Variants in ATRNL1 observed in about 807,000 individuals in gnomAD.
The protein encoded by ATRNL1 is attractin-like protein 1.
In ATRNL1, 95 loss-of-function variants were observed where a neutral mutation model predicts 182.7. The ratio of observed to expected loss-of-function variants is 0.52; its 90% CI spans 0.44 to 0.62. ATRNL1 has a LOEUF of 0.62. ATRNL1 is among the 20% of genes least tolerant of loss of function. The probability of loss-of-function intolerance (pLI) is 0.00; values close to 1 mark genes in which losing one functional copy is unlikely to be tolerated. For missense variants in ATRNL1, 1,471 were observed against 1,679.5 expected (o/e 0.88, Z 2.17); for synonymous variants, 576 against 568.3 (o/e 1.01, Z -0.19).
chr10:115,380,942 T>C (rs1554950901), intron 19 of ATRNL1, among the ~76,000 whole-genome samples: 1 of 152,222 alleles, frequency 6.6e-6, no homozygotes, highest in Non-Finnish European at 1.5e-5. Context: ...ATTTTATGTT[T>C]AATATTTTCA....
chr10:115,517,341 T>C (rs1342959645), intron 24 of ATRNL1, among the ~76,000 whole-genome samples: 1 of 151,958 alleles, frequency 6.6e-6, no homozygotes, highest in African/African-American at 2.4e-5. Context: ...TTGGTTTATA[T>C]GTTTTATTGT....
At chr10:115,544,601 T>C (rs868976678) in intron 25 of ATRNL1, among the ~76,000 whole-genome samples, 4 of 152,286 alleles carry the variant, frequency 2.6e-5, no homozygotes, top group Middle Eastern at 3.4e-3. Flanking sequence ...CACTCACTAT[T>C]GTGAAGTCAG....
At chr10:115,678,447 A>C (rs944954686) in intron 26 of ATRNL1, among the ~76,000 whole-genome samples, 1 of 152,160 alleles carries the variant, frequency 6.6e-6, no homozygotes, top group Non-Finnish European at 1.5e-5. Flanking sequence ...TGGAGTAGTT[A>C]AAATGAATTA....
intron 26 of ATRNL1, among the ~76,000 whole-genome samples, chr10:115,713,618 TACAC>T (rs61297314): frequency 0.37 from 56,332 of 151,658 alleles, 11,291 homozygotes; most frequent in Admixed American, 0.54. Context: ...TTTATATATA[TACAC>T]ACACACACAC....
At chr10:115,515,989 G>A (rs1174821010) in intron 24 of ATRNL1, among the ~76,000 whole-genome samples, 1 of 151,558 alleles carries the variant, frequency 6.6e-6, no homozygotes, top group Non-Finnish European at 1.5e-5. Context: ...TATCCTCTTA[G>A]AGATAATTTC....
At chr10:115,535,570 G>A (rs1369412023) in intron 25 of ATRNL1, among the ~76,000 whole-genome samples, 6 of 152,020 alleles carry the variant, frequency 3.9e-5, no homozygotes, top group South Asian at 2.1e-4. Context: ...CCTGTAGCTC[G>A]GAGCAGTTTG....
intron 5 of ATRNL1, among the ~76,000 whole-genome samples, chr10:115,137,523 G>A (rs1204158689): frequency 6.6e-6 from 1 of 152,194 alleles, no homozygotes; most frequent in African/African-American, 2.4e-5. Flanking sequence ...CATGGCTGGG[G>A]GGGCCTCACA....
At chr10:115,605,818 A>G (rs547301967) in intron 26 of ATRNL1, among the ~76,000 whole-genome samples, 2 of 151,582 alleles carry the variant, frequency 1.3e-5, no homozygotes, top group South Asian at 4.2e-4. Context: ...CAGTCTACAA[A>G]TAATAATAAT....
At chr10:115,642,381 TGTCA>T (rs1555030751) in intron 26 of ATRNL1, among the ~76,000 whole-genome samples, 1 of 152,098 alleles carries the variant, frequency 6.6e-6, no homozygotes, top group African/African-American at 2.4e-5. Flanking sequence ...GAATTAATGT[TGTCA>T]GTCTTCCTCA....
chr10:115,783,121 G>A (rs1045370785), intron 27 of ATRNL1, among the ~76,000 whole-genome samples: 1 of 152,054 alleles, frequency 6.6e-6, no homozygotes, highest in African/African-American at 2.4e-5. Flanking sequence ...GACATCTAAA[G>A]TCTAATGGCA....
At chr10:115,588,658 C>T (rs1270166400) in intron 26 of ATRNL1, among the ~76,000 whole-genome samples, 1 of 152,150 alleles carries the variant, frequency 6.6e-6, no homozygotes, top group African/African-American at 2.4e-5. Flanking sequence ...GGTGCTGTCC[C>T]CAGGTAGGGT....
chr10:115,135,853 T>G (rs541219990), intron 5 of ATRNL1, among the ~76,000 whole-genome samples: 1 of 151,906 alleles, frequency 6.6e-6, no homozygotes, highest in African/African-American at 2.4e-5. Context: ...TGTCATTTTT[T>G]TTTCTTTGGT....
At chr10:115,355,983 T>C (rs1038481040) in intron 19 of ATRNL1, among the ~76,000 whole-genome samples, 2 of 152,072 alleles carry the variant, frequency 1.3e-5, no homozygotes, top group Non-Finnish European at 2.9e-5. Flanking sequence ...TACCTTATGT[T>C]TCTCTTTTTG....
Position 115,647,732 on chromosome 10 carries a change from T to G in ATRNL1, c.3796-79516T>G, listed in dbSNP as rs145632128. ...GTCAGATGAGTAGATTGTAAAAATTTTCTCCCGTTCTGTAGGTTGCCTGTT... is the reference window on the plus strand; with the variant it reads ...GTCAGATGAGTAGATTGTAAAAATTGTCTCCCGTTCTGTAGGTTGCCTGTT... On this transcript the variant is annotated intron_variant, in intron 26 of 28. Coordinates refer to ENST00000355044, the MANE Select transcript of ATRNL1 (RefSeq NM_207303.4). Among the ~76,000 whole-genome samples, 155 of 152,338 alleles carry G rather than the reference T, an allele frequency of 1.0e-3. 1 individual carries two copies. The highest frequency in any genetic ancestry group is 3.4e-3 in the Middle Eastern group (1 of 294).
intron 5 of ATRNL1, among the ~76,000 whole-genome samples, chr10:115,143,475 T>C (rs1012909874): frequency 1.3e-5 from 2 of 152,116 alleles, no homozygotes; most frequent in Non-Finnish European, 2.9e-5. Flanking sequence ...TCAATTTTCT[T>C]CAAAGCATAA....
intron 28 of ATRNL1, among the ~76,000 whole-genome samples, chr10:115,889,795 T>C (rs1283965850): frequency 6.6e-6 from 1 of 152,198 alleles, no homozygotes; most frequent in Non-Finnish European, 1.5e-5. Context: ...ATAAGTAATG[T>C]GATTAATCTA....
intron 26 of ATRNL1, among the ~76,000 whole-genome samples, chr10:115,652,892 T>G (rs1565251985): frequency 6.6e-6 from 1 of 152,106 alleles, no homozygotes; most frequent in Non-Finnish European, 1.5e-5. Flanking sequence ...TGCATGTAGA[T>G]TTTCCTTCAA....
chr10:115,417,983 A>G (rs1282358693), intron 20 of ATRNL1, among the ~76,000 whole-genome samples: 1 of 152,148 alleles, frequency 6.6e-6, no homozygotes, highest in African/African-American at 2.4e-5. Flanking sequence ...TGGAATAAAC[A>G]CCTGATCTCT....
intron 26 of ATRNL1, among the ~76,000 whole-genome samples, chr10:115,582,302 T>C (rs1211584684): frequency 2.7e-5 from 4 of 147,404 alleles, no homozygotes; most frequent in African/African-American, 1.0e-4. Flanking sequence ...TAGTTCTAGA[T>C]CCCTGAGGAA....
Sources: gnomAD v4.1 joint callset for allele counts (sites outside exome capture counted in the v4.1 genomes callset) on GRCh38, gnomAD v4.1.1 for gene constraint, MANE v1.5 for transcripts, NCBI Gene and HGNC (gene_info 2026-07-23, HGNC 2026-07-21) for gene names.